The following CDH22 variants were observed in gnomAD, a reference collection of about 807,000 sequenced individuals.
CDH22 encodes cadherin-22.
CDH22 carries 30 observed loss-of-function variants against 58.4 expected under a neutral mutation model. That is an observed-to-expected ratio of 0.51 (90% confidence interval 0.38 to 0.70). CDH22 has a LOEUF of 0.70. Among genes scored for constraint, CDH22 ranks in the 30% least tolerant of loss-of-function variants. CDH22 has a pLI of 0.00. For missense variants in CDH22, 1,014 were observed against 1,233.9 expected, an observed-to-expected ratio of 0.82 and a Z score of 2.67; for synonymous variants, 513 against 558.2, an observed-to-expected ratio of 0.92 and a Z score of 1.14.
chr20:46,192,886 A>T (rs1193935611), intron 8 of CDH22, among the ~76,000 whole-genome samples: 2 of 151,388 alleles, frequency 1.3e-5, no homozygotes, highest in Non-Finnish European at 1.5e-5. Flanking sequence ...ACAGAAGCGA[A>T]CTCCTTGCAC....
In CDH22 at chr20:46,174,875, CG is replaced by C; in HGVS notation, c.2117del (p.Ala706GlyfsTer198). ...ELKGGDGGGSAGGGAGGGSGG... is the reference protein window; with the variant it reads ...ELKGGDGGGSXGGGAGGGSGG... ...CCGAGCCCCCGCCCGCTCCCCCGCC[CG>C]CGCTGCCGCCCCCGTCGCCGCCCTT... On this transcript the variant is annotated frameshift_variant, in exon 12 of 12. Coordinates refer to ENST00000537909, the MANE Select transcript of CDH22 (RefSeq NM_021248.3). LOFTEE classifies it low-confidence loss of function (END_TRUNC). The surrounding 1 kb of genome is among the most constrained non-coding windows in gnomAD (Gnocchi z 4.4). 2 of 1,359,918 alleles carry C rather than the reference CG, an allele frequency of 1.5e-6. No individual in the cohort carries two copies. Among genetic ancestry groups the C allele is most frequent in the Non-Finnish European group, 1.9e-6 (2 of 1,053,486 alleles). 84.2% of individuals were successfully genotyped at this position (1,359,918 alleles called of 1,614,324 possible).
At chr20:46,226,621 C>T (rs897604499) in intron 4 of CDH22, among the ~76,000 whole-genome samples, 2 of 152,168 alleles carry the variant, frequency 1.3e-5, no homozygotes. Context: ...CTACTTCCTC[C>T]GAGAAGCCTT....
At chr20:46,226,292 C>CT (rs1349617347) in intron 4 of CDH22, among the ~76,000 whole-genome samples, 5 of 105,446 alleles carry the variant, frequency 4.7e-5, no homozygotes, top group South Asian at 3.0e-4. Context: ...TCTTCTTCTT[C>CT]TTTTTTTTTT....
At chr20:46,246,899 G>A (rs1406830246) in intron 2 of CDH22, among the ~76,000 whole-genome samples, 1 of 152,050 alleles carries the variant, frequency 6.6e-6, no homozygotes, top group Non-Finnish European at 1.5e-5. Flanking sequence ...GTGAGAGAGC[G>A]TGGTATGAGA....
At chr20:46,257,117 G>A (rs150703276) in intron 1 of CDH22, among the ~76,000 whole-genome samples, 2 of 151,620 alleles carry the variant, frequency 1.3e-5, no homozygotes, top group East Asian at 3.9e-4. Context: ...AGACCAGCCT[G>A]GGGAACATGG....
At chr20:46,235,733 A>G (rs1231946017) in intron 3 of CDH22, among the ~76,000 whole-genome samples, 3 of 152,148 alleles carry the variant, frequency 2.0e-5, no homozygotes, top group Non-Finnish European at 4.4e-5. Flanking sequence ...CACATCCAGA[A>G]TTCCATCTTG....
intron 8 of CDH22, among the ~76,000 whole-genome samples, chr20:46,198,096 G>A (rs1317601482): frequency 6.6e-6 from 1 of 152,102 alleles, no homozygotes; most frequent in Non-Finnish European, 1.5e-5. Context: ...TAGAGAAGCT[G>A]GGAAAGCAGG....
intron 1 of CDH22, among the ~76,000 whole-genome samples, chr20:46,279,670 G>A (rs1221483765): frequency 1.3e-5 from 2 of 152,244 alleles, no homozygotes; most frequent in African/African-American, 2.4e-5. Context: ...AGGAGCTGGC[G>A]CTGAGGAAGT....
At position 46,216,991 on chromosome 20, in the gene CDH22, C is replaced by T. The variant is rs141292740; in HGVS notation, c.673G>A (p.Val225Ile). The T allele has an allele frequency of 5.6e-5, 89 of 1,587,156 alleles. No individual in the cohort carries two copies. Among genetic ancestry groups the T allele is most frequent in the African/African-American group, 8.0e-5 (6 of 74,588 alleles). Residue 225 changes from valine (V) to isoleucine (I), a missense_variant and splice_region_variant, in exon 5 of 12, where the codon GTA (valine) becomes ATA (isoleucine). Physicochemically the swap from Val to Ile is conservative, Grantham distance 29. Around this residue, in one of 2 missense-constraint regions of CDH22, gnomAD observed 806 missense variants for 1,038.7 expected, o/e 0.78. Transcript: ENST00000537909. The surrounding 1 kb of genome is among the most constrained non-coding windows in gnomAD (Gnocchi z 5.3). ...HHFTVDPKTGVIRTAVPDLDR... is the reference protein window; with the variant it reads ...HHFTVDPKTGIIRTAVPDLDR... ...AGGTCAGGCACAGCCGTCCGGATTA[C>T]GCCTGTGGGTGAGTGAGGGTGAGGC...
At chr20:46,186,520 T>C in intron 10 of CDH22, 68 bp downstream of exon 10, 1 of 1,173,794 alleles carries the variant, frequency 8.5e-7, no homozygotes, top group Non-Finnish European at 1.2e-6. Flanking sequence ...TCCCTCTGTC[T>C]ATAATATGGG....
At chr20:46,176,396 C>T (rs2085739523) in intron 11 of CDH22, among the ~76,000 whole-genome samples, 1 of 152,208 alleles carries the variant, frequency 6.6e-6, no homozygotes, top group African/African-American at 2.4e-5. Context: ...CTTCCCCACC[C>T]CGAGTCTCCC....
At chr20:46,188,789 C>G (rs1394137844) in intron 8 of CDH22, among the ~76,000 whole-genome samples, 1 of 152,194 alleles carries the variant, frequency 6.6e-6, no homozygotes, top group Non-Finnish European at 1.5e-5. Flanking sequence ...GCTCCATCCT[C>G]TGCTATCTTG....
In CDH22 at chr20:46,210,753, T is replaced by C. The variant is rs2086037558; in HGVS notation, c.1033-193A>G. 6.6e-6 allele frequency among the ~76,000 whole-genome samples: 1 copy of C among 152,114 alleles called. No individual in the cohort carries two copies. Among genetic ancestry groups the C allele is most frequent in the African/African-American group, 2.4e-5 (1 of 41,428 alleles). On this transcript the variant is annotated intron_variant, in intron 6 of 11. Transcript: ENST00000537909. The surrounding 1 kb of genome is among the most constrained non-coding windows in gnomAD (Gnocchi z 4.5). The stretch of plus-strand genomic sequence containing the variant: ...GGGTTACGGGTGGAGAAACTGAGGA[T>C]CCTCGAGGACAGTCTTGCCTAAGGA...
At chr20:46,287,397 G>A (rs1428918076) in intron 1 of CDH22, among the ~76,000 whole-genome samples, 1 of 152,172 alleles carries the variant, frequency 6.6e-6, no homozygotes, top group Non-Finnish European at 1.5e-5. Flanking sequence ...GGTACAAGGA[G>A]AGCATCTGAC....
At chr20:46,178,276 C>T (rs541534784) in intron 10 of CDH22, 79 bp from the exon 11 acceptor site, 33 of 1,512,078 alleles carry the variant, frequency 2.2e-5, no homozygotes, top group South Asian at 3.8e-5. Context: ...CTGATTGCAT[C>T]GTGAGATTTG....
intron 10 of CDH22, among the ~76,000 whole-genome samples, chr20:46,178,670 A>G (rs2085761612): frequency 7.3e-6 from 1 of 136,628 alleles, no homozygotes; most frequent in South Asian, 2.3e-4. Flanking sequence ...GCGTATTCTG[A>G]CCCTAGGAAT....
At chr20:46,191,698 T>C (rs191060148) in intron 8 of CDH22, among the ~76,000 whole-genome samples, 227 of 152,334 alleles carry the variant, frequency 1.5e-3, no homozygotes, top group African/African-American at 4.2e-3. Flanking sequence ...GACTCGAACC[T>C]GGGTCTGGTT....
intron 4 of CDH22, among the ~76,000 whole-genome samples, chr20:46,226,305 A>T (rs1490185257): frequency 1.8e-4 from 18 of 97,700 alleles, no homozygotes; most frequent in East Asian, 3.2e-4. Context: ...TTTTTTTTTG[A>T]GACAGGGTCT....
At position 46,174,612 on chromosome 20, in the gene CDH22, C is replaced by T; in HGVS notation, c.2381G>A (p.Gly794Asp). 2 of 1,539,434 alleles carry T rather than the reference C, an allele frequency of 1.3e-6. No individual in the cohort carries two copies. The highest frequency in any genetic ancestry group is 1.7e-6 in the Non-Finnish European group (2 of 1,147,550). ...GAGATAGGCGAAGTCCTGCTCGGAG[C>T]CCGACGAGCCGCTGTGCAGGGAGCT... ...SLSSLHSGSS[G>D]SEQDFAYLSS... is the part of the protein sequence containing the mutation. The change falls in exon 12 of 12, where the codon GGC becomes GAC. Residue 794 changes from glycine to aspartate, a missense_variant. By Grantham distance (94) the Gly-to-Asp change is moderately conservative (BLOSUM62 -1). Coordinates refer to ENST00000537909, the MANE Select transcript of CDH22 (RefSeq NM_021248.3). The surrounding 1 kb of genome is among the most constrained non-coding windows in gnomAD (Gnocchi z 4.4).
Sources: gnomAD v4.1 joint callset for allele counts (sites outside exome capture counted in the v4.1 genomes callset) on GRCh38, gnomAD v4.1.1 for gene constraint, gnomAD v4.1.1 regional missense constraint, Gnocchi (gnomAD v3.1) non-coding constraint, MANE v1.5 for transcripts, NCBI Gene and HGNC (gene_info 2026-07-23, HGNC 2026-07-21) for gene names.